The following EBF1 variants were observed in gnomAD, a reference collection of about 807,000 sequenced individuals.
EBF1 encodes transcription factor COE1.
In EBF1, 10 loss-of-function variants were observed where a neutral mutation model predicts 68.4. That is an observed-to-expected ratio of 0.15 (90% CI 0.09 to 0.25). The LOEUF (loss-of-function observed/expected upper bound fraction) is 0.25. Among genes scored for constraint, EBF1 ranks in the 10% least tolerant of loss-of-function variants. The probability of loss-of-function intolerance (pLI) is 1.00; values close to 1 mark genes in which losing one functional copy is unlikely to be tolerated. For missense variants in EBF1, 509 were observed against 794.4 expected (o/e 0.64, Z 4.32); for synonymous variants, 298 against 299.8 (o/e 0.99, Z 0.06).
At chr5:158,829,007 G>A (rs1786854186) in intron 7 of EBF1, among the ~76,000 whole-genome samples, 1 of 152,198 alleles carries the variant, frequency 6.6e-6, no homozygotes, top group South Asian at 2.1e-4. Flanking sequence ...ACAGTGAAAA[G>A]ATCAGTGGTT....
chr5:158,709,078 A>G (rs1248063682), intron 14 of EBF1, among the ~76,000 whole-genome samples: 1 of 152,118 alleles, frequency 6.6e-6, no homozygotes, highest in Non-Finnish European at 1.5e-5. Context: ...CCAGGTTAAT[A>G]ATCTCTCGGT....
At chr5:158,902,838 G>T (rs964732344) in intron 6 of EBF1, among the ~76,000 whole-genome samples, 17 of 152,176 alleles carry the variant, frequency 1.1e-4, no homozygotes, top group African/African-American at 4.1e-4. Context: ...AGCAGGCAAG[G>T]GTTCTAACTG....
chr5:158,872,713 T>C lies in EBF1; in HGVS notation c.555-32603A>G, dbSNP rs566257842. On this transcript the variant is annotated intron_variant, in intron 6 of 15. Coordinates refer to ENST00000313708, the MANE Select transcript of EBF1 (RefSeq NM_024007.5). ...TTACTCTGTGGGATACACTGGTAGA[T>C]GAAACAATGATCTTATTTCATCTTC... Among the ~76,000 whole-genome samples the C allele has an allele frequency of 4.6e-5, 7 of 152,356 alleles. No individual in the cohort carries two copies. The East Asian group carries it at 1.3e-3, about 29-fold the overall frequency.
At chr5:159,018,736 C>CT in intron 6 of EBF1, among the ~76,000 whole-genome samples, 1 of 152,272 alleles carries the variant, frequency 6.6e-6, no homozygotes. Context: ...AAGAATTATT[C>CT]TTTTTGCCTC....
intron 6 of EBF1, among the ~76,000 whole-genome samples, chr5:158,973,948 C>T (rs1756191399): frequency 6.6e-6 from 1 of 152,238 alleles, no homozygotes; most frequent in African/African-American, 2.4e-5. Flanking sequence ...TGAGGAAATG[C>T]ACAGACACCT....
At chr5:158,970,063 A>AT (rs1404491422) in intron 6 of EBF1, among the ~76,000 whole-genome samples, 1 of 152,132 alleles carries the variant, frequency 6.6e-6, no homozygotes, top group East Asian at 1.9e-4. Flanking sequence ...CAGGGATCAG[A>AT]TTTTTTAATA....
At chr5:158,824,472 G>A (rs1490923219) in intron 7 of EBF1, among the ~76,000 whole-genome samples, 6 of 152,248 alleles carry the variant, frequency 3.9e-5, no homozygotes, top group Non-Finnish European at 8.8e-5. Context: ...CTCTCATAAT[G>A]AGGCGAGCCT....
intron 8 of EBF1, among the ~76,000 whole-genome samples, chr5:158,820,247 C>A (rs1026572796): frequency 4.3e-5 from 6 of 140,934 alleles, no homozygotes; most frequent in Admixed American, 3.7e-4. Context: ...TCTCACCATG[C>A]GGTAGCTGTT....
At chr5:158,720,762 A>G (rs1761771981) in intron 11 of EBF1, among the ~76,000 whole-genome samples, 1 of 152,332 alleles carries the variant, frequency 6.6e-6, no homozygotes, top group Non-Finnish European at 1.5e-5. Flanking sequence ...ATTATAGCTA[A>G]GGACCACTTT....
intron 5 of EBF1, among the ~76,000 whole-genome samples, chr5:159,079,722 G>A (rs1584475340): frequency 2.0e-5 from 3 of 148,424 alleles, no homozygotes; most frequent in South Asian, 4.2e-4. Context: ...AGTGATTCTC[G>A]TGCCTCAGCC....
chr5:158,935,796 A>G (rs1487423030), intron 6 of EBF1, among the ~76,000 whole-genome samples: 2 of 152,202 alleles, frequency 1.3e-5, no homozygotes, highest in Non-Finnish European at 2.9e-5. Context: ...AATTCATGAC[A>G]AACACCCACT....
At chr5:159,018,000 G>C (rs1765940599) in intron 6 of EBF1, among the ~76,000 whole-genome samples, 1 of 152,036 alleles carries the variant, frequency 6.6e-6, no homozygotes, top group African/African-American at 2.4e-5. Flanking sequence ...CCCATTTCCT[G>C]TCTCCCCCGT....
intron 5 of EBF1, among the ~76,000 whole-genome samples, chr5:159,081,170 G>A (rs1188068964): frequency 1.3e-5 from 2 of 151,852 alleles, no homozygotes; most frequent in Non-Finnish European, 2.9e-5. Flanking sequence ...TTATAGAGAT[G>A]GGGGGTCTCA....
chr5:158,848,246 C>CA (rs1791925874), intron 6 of EBF1, among the ~76,000 whole-genome samples: 1 of 152,092 alleles, frequency 6.6e-6, no homozygotes, highest in Admixed American at 6.5e-5. Context: ...AGTTTGACTC[C>CA]AAAGCCCACA....
intron 4 of EBF1, among the ~76,000 whole-genome samples, chr5:159,092,322 A>G (rs1561998291): frequency 6.6e-6 from 1 of 152,346 alleles, no homozygotes; most frequent in East Asian, 1.9e-4. Flanking sequence ...TCCCAAAAGC[A>G]AGCCTCTTAT....
chr5:159,073,793 A>G (rs542600073), intron 5 of EBF1: 9 of 260,628 alleles, frequency 3.5e-5, no homozygotes, highest in African/African-American at 1.7e-4. Context: ...CATCTACCCA[A>G]TGAGAATATT....
intron 10 of EBF1, among the ~76,000 whole-genome samples, chr5:158,776,026 A>G (rs1401115052): frequency 6.6e-6 from 1 of 152,162 alleles, no homozygotes; most frequent in African/African-American, 2.4e-5. Flanking sequence ...AACTCCAGAA[A>G]GACTATTATT....
chr5:158,803,179 C>T (rs1023469630), intron 8 of EBF1, among the ~76,000 whole-genome samples: 2 of 152,038 alleles, frequency 1.3e-5, no homozygotes, highest in African/African-American at 2.4e-5. Context: ...CTCATTTCTA[C>T]GGGATACTTG....
chr5:158,852,245 A>G (rs1359613059), intron 6 of EBF1, among the ~76,000 whole-genome samples: 1 of 152,078 alleles, frequency 6.6e-6, no homozygotes. Flanking sequence ...TGGGGGACAC[A>G]GAATCTTGCT....
Sources: allele counts gnomAD v4.1 joint callset (sites outside exome capture counted in the v4.1 genomes callset), GRCh38; gene constraint gnomAD v4.1.1; transcripts MANE v1.5; gene names NCBI Gene and HGNC (gene_info 2026-07-23, HGNC 2026-07-21).